DPP6: variants seen among roughly 807,000 people sequenced by gnomAD.
The protein encoded by DPP6 is A-type potassium channel modulatory protein DPP6.
In DPP6, 69 loss-of-function variants were observed where a neutral mutation model predicts 122.6. The ratio of observed to expected loss-of-function variants is 0.56; its 90% CI spans 0.46 to 0.69. The LOEUF (loss-of-function observed/expected upper bound fraction) is 0.69. Ranked by LOEUF, DPP6 falls within the 30% of genes least tolerant of loss-of-function variation. The pLI, the probability that DPP6 is intolerant of heterozygous loss-of-function variation, is 0.00. For missense variants in DPP6, 928 were observed against 1,116.9 expected (o/e 0.83, Z 2.41); for synonymous variants, 418 against 433.1 (o/e 0.97, Z 0.43).
intron 10 of DPP6, among the ~76,000 whole-genome samples, chr7:154,777,845 T>A (rs1796679648): frequency 2.6e-5 from 4 of 152,110 alleles, no homozygotes; most frequent in African/African-American, 9.7e-5. Context: ...GGCTCACTCC[T>A]CCACCACCCG....
chr7:154,239,940 C>T (rs965418352), intron 1 of DPP6, among the ~76,000 whole-genome samples: 1 of 134,836 alleles, frequency 7.4e-6, no homozygotes, highest in African/African-American at 2.8e-5. Context: ...TGCAGTAAGC[C>T]AAGATCGTGC....
chr7:154,130,626 T>C (rs1795223453), intron 1 of DPP6, among the ~76,000 whole-genome samples: 1 of 152,134 alleles, frequency 6.6e-6, no homozygotes, highest in Admixed American at 6.5e-5. Flanking sequence ...TTGCACATCA[T>C]TGTGTTTTAC....
chr7:154,112,705 TAACTA>T (rs1187846267), intron 1 of DPP6, among the ~76,000 whole-genome samples: 2 of 151,892 alleles, frequency 1.3e-5, no homozygotes, highest in African/African-American at 2.4e-5. Flanking sequence ...GAAAAAAACA[TAACTA>T]AACATAACTA....
intron 1 of DPP6, among the ~76,000 whole-genome samples, chr7:154,122,272 G>A (rs1351306880): frequency 6.6e-6 from 1 of 152,190 alleles, no homozygotes; most frequent in Non-Finnish European, 1.5e-5. Flanking sequence ...CTGATCAGAG[G>A]TGGCGTGGTG....
At chr7:154,797,027 A>G (rs1185011756) in intron 12 of DPP6, among the ~76,000 whole-genome samples, 1 of 152,254 alleles carries the variant, frequency 6.6e-6, no homozygotes, top group Non-Finnish European at 1.5e-5. Context: ...CATGCTGGAA[A>G]GTTCTTGAAT....
intron 1 of DPP6, among the ~76,000 whole-genome samples, chr7:154,382,355 T>C (rs756038037): frequency 2.0e-5 from 3 of 152,148 alleles, no homozygotes; most frequent in Non-Finnish European, 4.4e-5. Flanking sequence ...GCATCCTGTA[T>C]TTCAAGCTTC....
intron 4 of DPP6, among the ~76,000 whole-genome samples, chr7:154,553,711 TTGGTCGCTGCAG>T (rs1394088140): frequency 6.6e-6 from 1 of 152,142 alleles, no homozygotes; most frequent in Non-Finnish European, 1.5e-5. Context: ...AGCTGTAGCC[TTGGTCGCTGCAG>T]TTATAAGATA....
intron 1 of DPP6, among the ~76,000 whole-genome samples, chr7:154,057,207 C>T (rs1001386890): frequency 6.6e-6 from 1 of 152,142 alleles, no homozygotes; most frequent in Non-Finnish European, 1.5e-5. Flanking sequence ...GCAGCAACTG[C>T]CCAGCTAGTA....
chr7:154,855,020 T>C (rs955882701), intron 17 of DPP6, among the ~76,000 whole-genome samples: 1 of 151,946 alleles, frequency 6.6e-6, no homozygotes, highest in Non-Finnish European at 1.5e-5. Flanking sequence ...GTGTCTCCAG[T>C]GACCATCGAG....
the DPP6 span, among the ~76,000 whole-genome samples, chr7:153,837,579 C>A: frequency 6.6e-6 from 1 of 152,308 alleles, no homozygotes; most frequent in African/African-American, 2.4e-5. Flanking sequence ...AGAATATATA[C>A]TTTTCAATGC....
intron 1 of DPP6, among the ~76,000 whole-genome samples, chr7:153,995,828 C>G (rs1170425118): frequency 6.6e-6 from 1 of 152,200 alleles, no homozygotes; most frequent in African/African-American, 2.4e-5. Flanking sequence ...TACCTACCTT[C>G]AAGACCTGGA....
At position 154,803,958 on chromosome 7, in the gene DPP6, G is replaced by A. The variant is rs1260424664; in HGVS notation, c.1499+3G>A. 1 of 1,613,248 alleles carries A rather than the reference G, an allele frequency of 6.2e-7. No individual in the cohort carries two copies. Among genetic ancestry groups the A allele is most frequent in the Non-Finnish European group, 8.5e-7 (1 of 1,179,584 alleles). The stretch of plus-strand genomic sequence containing the variant: ...TACGATGAGAAGGGGAATAAGATGT[G>A]AGTGAGAACCAGGGGCCTGCCCCAT... On this transcript the variant is annotated splice_donor_region_variant and intron_variant, in intron 14 of 25. Transcript: ENST00000377770.
the DPP6 span, among the ~76,000 whole-genome samples, chr7:153,777,284 A>G: frequency 6.6e-6 from 1 of 152,130 alleles, no homozygotes; most frequent in Non-Finnish European, 1.5e-5. Flanking sequence ...GGATTTCTTT[A>G]CTTGTGGTAA....
chr7:154,079,701 G>A (rs1381052660), intron 1 of DPP6, among the ~76,000 whole-genome samples: 1 of 152,058 alleles, frequency 6.6e-6, no homozygotes, highest in Non-Finnish European at 1.5e-5. Context: ...TAGGAGACAG[G>A]TGACCGTGGA....
intron 1 of DPP6, among the ~76,000 whole-genome samples, chr7:154,105,166 G>A (rs78826702): frequency 7.2e-5 from 11 of 152,174 alleles, no homozygotes; most frequent in African/African-American, 1.2e-4. Flanking sequence ...AATTTGACTC[G>A]ACCGTTTGTC....
At chr7:154,331,466 A>T (rs1176301352) in intron 1 of DPP6, among the ~76,000 whole-genome samples, 1 of 152,164 alleles carries the variant, frequency 6.6e-6, no homozygotes, top group African/African-American at 2.4e-5. Flanking sequence ...TTTGTAAATG[A>T]GCCACTCAGG....
intron 6 of DPP6, among the ~76,000 whole-genome samples, chr7:154,643,706 G>A (rs1836262614): frequency 6.6e-6 from 1 of 152,100 alleles, no homozygotes; most frequent in Admixed American, 6.6e-5. Context: ...CTGACCTCGT[G>A]ATCTGCCCAC....
chr7:154,095,363 G>C lies in DPP6; in HGVS notation c.243+42300G>C, dbSNP rs1805248737. On this transcript the variant is annotated intron_variant, in intron 1 of 25. Transcript: ENST00000377770. ...ATCTATCACCCACTACCGTAACTGT[G>C]ACAACGTCTCCACAGGAGGAGCGGC... 3 of 142,560 alleles carry C rather than the reference G, an allele frequency of 2.1e-5. 1 individual carries two copies. The South Asian group carries it at 7.6e-4, about 36-fold the overall frequency. 8.8% of individuals were successfully genotyped at this position (142,560 alleles called of 1,614,324 possible).
chr7:154,456,227 C>T (rs1820816745), intron 2 of DPP6, among the ~76,000 whole-genome samples: 1 of 152,108 alleles, frequency 6.6e-6, no homozygotes, highest in Non-Finnish European at 1.5e-5. Context: ...CACCTTAAGC[C>T]CTGCTTGGAC....
Sources: allele counts gnomAD v4.1 joint callset (sites outside exome capture counted in the v4.1 genomes callset), GRCh38; gene constraint gnomAD v4.1.1; transcripts MANE v1.5; gene names NCBI Gene and HGNC (gene_info 2026-07-23, HGNC 2026-07-21).